ARHGEF4: variants seen among roughly 807,000 people sequenced by gnomAD.
ARHGEF4 encodes the protein Rho guanine nucleotide exchange factor 4, also known as APC-stimulated guanine nucleotide exchange factor 1.
ARHGEF4 carries 119 observed loss-of-function variants against 162.0 expected under a neutral mutation model. That is an observed-to-expected ratio of 0.73 (90% CI 0.63 to 0.86). The LOEUF (loss-of-function observed/expected upper bound fraction) is 0.86, where lower values mean the gene tolerates loss of function less well. ARHGEF4 is among the 40% of genes least tolerant of loss of function. The pLI, the probability that ARHGEF4 is intolerant of heterozygous loss-of-function variation, is 0.00. For synonymous variants in ARHGEF4, 1,014 were observed against 979.9 expected (o/e 1.03, Z -0.65); for missense variants, 2,488 against 2,456.0 (o/e 1.01, Z -0.28).
chr2:131,011,856 A>T lies in ARHGEF4; in HGVS notation c.3986-16089A>T, dbSNP rs201025639. Reference sequence around the variant, plus strand: ...AAGACCAGCTGGAGGTTCTTGTGTCACTCCGTGAAGTGTGGGGGCGGCGGA... The same window carrying T: ...AAGACCAGCTGGAGGTTCTTGTGTCTCTCCGTGAAGTGTGGGGGCGGCGGA... On this transcript the variant is annotated intron_variant, in intron 4 of 13. Transcript: ENST00000409359. 6 of 710,538 alleles carry T rather than the reference A, an allele frequency of 8.4e-6. No homozygotes were observed. The Middle Eastern group carries it at 6.8e-4, about 81-fold the overall frequency. The allele number at this position is 710,538 out of a possible 1,614,324, so 44.0% of individuals were successfully genotyped here.
intron 1 of ARHGEF4, among the ~76,000 whole-genome samples, chr2:130,893,204 C>G (rs1362368769): frequency 1.3e-5 from 2 of 152,214 alleles, no homozygotes; most frequent in African/African-American, 4.8e-5. Flanking sequence ...CCTTCTCTTT[C>G]TGCTCATCTT....
intron 4 of ARHGEF4, among the ~76,000 whole-genome samples, chr2:130,986,312 A>G (rs998000628): frequency 6.6e-6 from 1 of 152,158 alleles, no homozygotes; most frequent in Non-Finnish European, 1.5e-5. Context: ...TGCATGTGGC[A>G]GTGTGTTCAC....
At chr2:130,999,433 GGC>G (rs1241720790) in intron 4 of ARHGEF4, among the ~76,000 whole-genome samples, 2 of 152,136 alleles carry the variant, frequency 1.3e-5, no homozygotes, top group South Asian at 2.1e-4. Context: ...TGGGATTACA[GGC>G]ATGAGCCACT....
intron 4 of ARHGEF4, among the ~76,000 whole-genome samples, chr2:130,978,432 C>T (rs1169505146): frequency 6.6e-6 from 1 of 152,180 alleles, no homozygotes. Context: ...AAGTGTCAGT[C>T]CCATATTCTT....
chr2:130,983,867 T>C (rs1355167250), intron 4 of ARHGEF4, among the ~76,000 whole-genome samples: 1 of 152,160 alleles, frequency 6.6e-6, no homozygotes, highest in Non-Finnish European at 1.5e-5. Flanking sequence ...GCCAGGATGG[T>C]CTTGATCTCC....
At chr2:131,043,062 AATTTT>A (rs1690942945) in intron 10 of ARHGEF4, among the ~76,000 whole-genome samples, 1 of 152,236 alleles carries the variant, frequency 6.6e-6, no homozygotes, top group East Asian at 1.9e-4. Flanking sequence ...AAGTGAATTT[AATTTT>A]AATAATGTTT....
chr2:130,917,200 C>A lies in ARHGEF4; in HGVS notation c.3254C>A (p.Thr1085Lys). Residue 1085 changes from threonine to lysine, a missense_variant, in exon 2 of 14, where the codon ACG becomes AAG. Thr to Lys is a moderately conservative substitution (Grantham distance 78). Coordinates refer to ENST00000409359, the MANE Select transcript of ARHGEF4 (RefSeq NM_001367493.1). ...ACCLAYENPG[T>K]PCRPTSPKPL... ...TGCCTGGCATATGAAAACCCCGGGACGCCCTGCAGACCCACGAGCCCCAAG... is the reference window on the plus strand; with the variant it reads ...TGCCTGGCATATGAAAACCCCGGGAAGCCCTGCAGACCCACGAGCCCCAAG... The A allele has an allele frequency of 6.4e-7, 1 of 1,550,524 alleles. No homozygotes were observed. The highest frequency in any genetic ancestry group is 8.7e-7 in the Non-Finnish European group (1 of 1,146,982).
intron 1 of ARHGEF4, among the ~76,000 whole-genome samples, chr2:130,864,197 GAA>G (rs1455308661): frequency 8.4e-6 from 1 of 119,696 alleles, no homozygotes; most frequent in Admixed American, 8.2e-5. Context: ...AAGAAAGAAA[GAA>G]AGAAAAAAAA....
intron 4 of ARHGEF4, among the ~76,000 whole-genome samples, chr2:131,020,811 G>A (rs1055692569): frequency 1.3e-5 from 2 of 152,182 alleles, no homozygotes; most frequent in African/African-American, 4.8e-5. Flanking sequence ...CCCACCAACA[G>A]TGTAAAAGTG....
chr2:130,992,692 C>T (rs528488883), intron 4 of ARHGEF4, among the ~76,000 whole-genome samples: 2 of 152,348 alleles, frequency 1.3e-5, no homozygotes, highest in African/African-American at 4.8e-5. Flanking sequence ...CCCACCAATT[C>T]TGGACACAGT....
At chr2:130,977,988 A>C (rs983974915) in intron 4 of ARHGEF4, among the ~76,000 whole-genome samples, 4 of 152,164 alleles carry the variant, frequency 2.6e-5, no homozygotes, top group African/African-American at 9.7e-5. Context: ...TGTGTGAGAA[A>C]ATAGGGCCTA....
chr2:130,847,490 C>G (rs1310619146), intron 1 of ARHGEF4, among the ~76,000 whole-genome samples: 2 of 152,222 alleles, frequency 1.3e-5, no homozygotes. Context: ...GTCTTCATAT[C>G]TGTAAAACGA....
chr2:131,017,387 G>A (rs1315497223), intron 4 of ARHGEF4, among the ~76,000 whole-genome samples: 1 of 152,158 alleles, frequency 6.6e-6, no homozygotes, highest in African/African-American at 2.4e-5. Flanking sequence ...ATGCAGTTGT[G>A]AAACCCTCAG....
intron 2 of ARHGEF4, among the ~76,000 whole-genome samples, chr2:130,922,465 A>G (rs1681932600): frequency 6.6e-6 from 1 of 152,200 alleles, no homozygotes; most frequent in Admixed American, 6.5e-5. Flanking sequence ...CAGAGAACAA[A>G]AGAGAGGCTC....
At chr2:131,045,680 A>G (rs1691195058) in intron 13 of ARHGEF4, 1 of 1,475,940 alleles carries the variant, frequency 6.8e-7, no homozygotes, top group African/African-American at 1.4e-5. Flanking sequence ...GATCAGGGCC[A>G]TTGGTGACAA....
chr2:130,930,845 A>G, intron 2 of ARHGEF4, 107 bp from the exon 3 acceptor site: 1 of 1,098,702 alleles, frequency 9.1e-7, no homozygotes, highest in Non-Finnish European at 1.3e-6. Flanking sequence ...AAATTAACCA[A>G]AACATAGTGT....
chr2:131,039,824 G>C, intron 6 of ARHGEF4, 192 bp from the exon 7 acceptor site: 1 of 1,409,858 alleles, frequency 7.1e-7, no homozygotes, highest in Non-Finnish European at 9.2e-7. Flanking sequence ...GGCTGCGGGC[G>C]TCGGAGTCGT....
intron 4 of ARHGEF4, among the ~76,000 whole-genome samples, chr2:131,003,427 G>T (rs559704588): frequency 6.6e-6 from 1 of 152,196 alleles, no homozygotes; most frequent in Admixed American, 6.5e-5. Context: ...CATTTCTGCA[G>T]TATTCCCTGA....
chr2:130,960,659 C>T (rs1290571311), intron 4 of ARHGEF4, among the ~76,000 whole-genome samples: 1 of 152,104 alleles, frequency 6.6e-6, no homozygotes, highest in East Asian at 1.9e-4. Context: ...AGGGATCACC[C>T]ATCTCTTTTA....
Sources: allele counts gnomAD v4.1 joint callset (sites outside exome capture counted in the v4.1 genomes callset), GRCh38; gene constraint gnomAD v4.1.1; transcripts MANE v1.5; gene names NCBI Gene and HGNC (gene_info 2026-07-23, HGNC 2026-07-21).